Variants in DYM observed in about 807,000 individuals in gnomAD.
DYM encodes dyggve-Melchior-Clausen syndrome protein.
In DYM, 78 loss-of-function variants were observed where a neutral mutation model predicts 93.1. That is an observed-to-expected ratio of 0.84 (90% CI 0.70 to 1.01). The LOEUF (loss-of-function observed/expected upper bound fraction) is 1.01. Ranked by LOEUF, DYM falls within the 50% of genes least tolerant of loss-of-function variation. The probability of loss-of-function intolerance (pLI) is 0.00; values close to 1 mark genes in which losing one functional copy is unlikely to be tolerated. For synonymous variants in DYM, 321 were observed against 319.7 expected (o/e 1.00, Z -0.04); for missense variants, 789 against 845.0 (o/e 0.93, Z 0.82).
At position 49,379,723 on chromosome 18, in the gene DYM, G is replaced by C. The variant is rs780426777; in HGVS notation, c.229C>G (p.Leu77Val). 6.2e-7 allele frequency: 1 copy of C among 1,613,348 alleles called. No individual in the cohort carries two copies. The highest frequency in any genetic ancestry group is 1.7e-5 in the Admixed American group (1 of 59,996). The change falls in exon 4 of 18, where the codon CTA becomes GTA. Residue 77 changes from leucine to valine, a missense_variant. Physicochemically the swap from Leu to Val is conservative, Grantham distance 32. Around this residue, in one of 3 missense-constraint regions of DYM, gnomAD observed 450 missense variants for 436.2 expected, o/e 1.03. Coordinates refer to ENST00000675505, the MANE Select transcript of DYM (RefSeq NM_001353214.3). ...NNPRTGNLGA[L>V]IKVFLSRTKE... ...GTTCTAGAAAGGAAGACCTTAATTAGTGCACCAAGATTTCCTGTTCGAGGA... is the reference window on the plus strand; with the variant it reads ...GTTCTAGAAAGGAAGACCTTAATTACTGCACCAAGATTTCCTGTTCGAGGA...
chr18:49,188,427 A>G (rs2090652813), intron 14 of DYM, among the ~76,000 whole-genome samples: 1 of 152,192 alleles, frequency 6.6e-6, no homozygotes, highest in Admixed American at 6.5e-5. Context: ...ATGGAAAAGG[A>G]AAATGGGCCT....
chr18:49,303,271 A>T (rs1488133993), intron 8 of DYM, among the ~76,000 whole-genome samples: 1 of 152,144 alleles, frequency 6.6e-6, no homozygotes, highest in Non-Finnish European at 1.5e-5. Flanking sequence ...ACAAGCATTC[A>T]CTAAACTGTC....
intron 6 of DYM, among the ~76,000 whole-genome samples, chr18:49,360,730 TTCC>T (rs1184852087): frequency 6.6e-6 from 1 of 152,162 alleles, no homozygotes; most frequent in East Asian, 1.9e-4. Flanking sequence ...GTATATGTGT[TTCC>T]CTTCCCTGAT....
intron 3 of DYM, among the ~76,000 whole-genome samples, chr18:49,380,743 C>A (rs1447173698): frequency 6.6e-6 from 1 of 152,210 alleles, no homozygotes; most frequent in Non-Finnish European, 1.5e-5. Context: ...TTCCATTTGA[C>A]TGATGAAGAG....
intron 3 of DYM, among the ~76,000 whole-genome samples, chr18:49,386,339 A>G (rs1351245562): frequency 6.6e-6 from 1 of 152,188 alleles, no homozygotes; most frequent in Non-Finnish European, 1.5e-5. Context: ...ATCAGGAGAG[A>G]AAGAAACAAC....
chr18:49,087,506 G>A (rs2078652673), intron 17 of DYM, among the ~76,000 whole-genome samples: 1 of 152,188 alleles, frequency 6.6e-6, no homozygotes, highest in African/African-American at 2.4e-5. Flanking sequence ...GGGCTAGCCT[G>A]TTTATCAAGA....
In DYM at chr18:49,087,317, A is replaced by T. The variant is rs537679372; in HGVS notation, c.2025+10085T>A. Among the ~76,000 whole-genome samples, 11 of 152,372 alleles carry T rather than the reference A, an allele frequency of 7.2e-5. No homozygotes were observed. In the South Asian group the frequency reaches 2.1e-3, roughly 29 times the overall value. ...TTTCAATTAAGTGTTTTAGTTTATGACTACATTCAAGATGCAATAATAATA... is the reference window on the plus strand; with the variant it reads ...TTTCAATTAAGTGTTTTAGTTTATGTCTACATTCAAGATGCAATAATAATA... On this transcript the variant is annotated intron_variant, in intron 17 of 17. Coordinates refer to ENST00000675505, the MANE Select transcript of DYM (RefSeq NM_001353214.3).
intron 13 of DYM, among the ~76,000 whole-genome samples, chr18:49,228,678 C>T (rs1031581055): frequency 1.3e-5 from 2 of 152,044 alleles, no homozygotes; most frequent in Non-Finnish European, 2.9e-5. Flanking sequence ...ATACTTCTAC[C>T]AACCTCTAGA....
chr18:49,422,750 G>T (rs1287666872), intron 2 of DYM, among the ~76,000 whole-genome samples: 1 of 152,188 alleles, frequency 6.6e-6, no homozygotes, highest in Non-Finnish European at 1.5e-5. Flanking sequence ...TGCAATCCTA[G>T]TCTCTGATAA....
At chr18:49,127,820 T>C (rs957101067) in intron 15 of DYM, among the ~76,000 whole-genome samples, 1 of 152,172 alleles carries the variant, frequency 6.6e-6, no homozygotes, top group Admixed American at 6.5e-5. Flanking sequence ...ATATTACACA[T>C]AAAATCAGAG....
intron 6 of DYM, among the ~76,000 whole-genome samples, chr18:49,346,848 A>G (rs1312077428): frequency 6.6e-6 from 1 of 152,144 alleles, no homozygotes; most frequent in African/African-American, 2.4e-5. Flanking sequence ...CTAATAATGG[A>G]GTTATGTCCC....
chr18:49,091,121 C>A (rs1296877173), intron 17 of DYM, among the ~76,000 whole-genome samples: 2 of 152,134 alleles, frequency 1.3e-5, no homozygotes, highest in Non-Finnish European at 2.9e-5. Flanking sequence ...GGTCAACAGG[C>A]CCATTGTTCG....
At chr18:49,318,106 A>G (rs1417060816) in intron 8 of DYM, among the ~76,000 whole-genome samples, 1 of 152,152 alleles carries the variant, frequency 6.6e-6, no homozygotes. Context: ...CCCTTGCCCC[A>G]AGGTCCACAA....
At chr18:49,281,731 C>T (rs1420536783) in intron 10 of DYM, among the ~76,000 whole-genome samples, 1 of 152,154 alleles carries the variant, frequency 6.6e-6, no homozygotes, top group Non-Finnish European at 1.5e-5. Flanking sequence ...CATGTTCTCA[C>T]TCATAGGTGG....
At chr18:49,366,046 A>G (rs79321820) in intron 5 of DYM, among the ~76,000 whole-genome samples, 12,156 of 152,146 alleles carry the variant, frequency 0.08, 751 homozygotes, top group East Asian at 0.31. Context: ...ACAATAAGCA[A>G]TTTCCAGCTG....
At chr18:49,430,508 T>A in intron 1 of DYM, 61 bp from the exon 2 acceptor site, 1 of 1,290,514 alleles carries the variant, frequency 7.7e-7, no homozygotes, top group Non-Finnish European at 1.1e-6. Flanking sequence ...TTTGTCTACC[T>A]ATAAAAAAAC....
chr18:49,058,813 C>T (rs183285420), intron 17 of DYM, among the ~76,000 whole-genome samples: 1 of 152,094 alleles, frequency 6.6e-6, no homozygotes, highest in Non-Finnish European at 1.5e-5. Context: ...TAATAAGACA[C>T]TTATATTTGG....
chr18:49,310,096 A>G (rs1172410837), intron 8 of DYM, among the ~76,000 whole-genome samples: 1 of 152,238 alleles, frequency 6.6e-6, no homozygotes. Context: ...TATTGGATAT[A>G]CTATGATTGT....
intron 8 of DYM, among the ~76,000 whole-genome samples, chr18:49,290,270 A>T (rs1049445366): frequency 6.6e-6 from 1 of 152,134 alleles, no homozygotes; most frequent in African/African-American, 2.4e-5. Flanking sequence ...ACCAACAAGG[A>T]AATACCGTTA....
Sources: gnomAD v4.1 joint callset for allele counts (sites outside exome capture counted in the v4.1 genomes callset) on GRCh38, gnomAD v4.1.1 for gene constraint, gnomAD v4.1.1 regional missense constraint, MANE v1.5 for transcripts, NCBI Gene and HGNC (gene_info 2026-07-23, HGNC 2026-07-21) for gene names.